The following HMCN2 variants were observed in gnomAD, a reference collection of about 807,000 sequenced individuals.
HMCN2 encodes hemicentin-2.
A neutral mutation model predicts 377.5 loss-of-function variants in HMCN2; 325 were observed. The observed-to-expected ratio is 0.86, with a 90% confidence interval of 0.79 to 0.94. HMCN2 has a LOEUF of 0.94. Ranked by LOEUF, HMCN2 falls within the 40% of genes least tolerant of loss-of-function variation. The pLI, the probability that HMCN2 is intolerant of heterozygous loss-of-function variation, is 0.00. For synonymous variants in HMCN2, 2,007 were observed against 2,046.8 expected (o/e 0.98, Z 0.53); for missense variants, 4,543 against 4,725.3 (o/e 0.96, Z 1.13).
Position 130,403,200 on chromosome 9 carries a change from C to G in HMCN2, c.11885C>G (p.Pro3962Arg), listed in dbSNP as rs575401050. 8 of 1,289,052 alleles carry G rather than the reference C, an allele frequency of 6.2e-6. No homozygotes were observed. Among genetic ancestry groups the G allele is most frequent in the South Asian group, 4.9e-5 (4 of 80,960 alleles). The allele number at this position is 1,289,052 out of a possible 1,614,324, so 79.9% of individuals were successfully genotyped here. A position where few individuals can be genotyped will look rare whatever the true frequency, so the allele number is the denominator to read the frequency against. ...GCACCCCCGTCCTTTGTAGCCTCCC[C>G]GGTGGTGAAGCCGCTGCCCAGCGTG... ...KHVFLTVQAS[P>R]VVKPLPSVVR... Residue 3962 changes from proline (P) to arginine (R), a missense_variant, in exon 79 of 98, where the codon CCG becomes CGG. By Grantham distance (103) the Pro-to-Arg change is moderately radical. Transcript: ENST00000683500.
chr9:130,312,616 C>CTT (rs1564775464), intron 15 of HMCN2, among the ~76,000 whole-genome samples: 1 of 120,920 alleles, frequency 8.3e-6, no homozygotes, highest in African/African-American at 3.2e-5. Flanking sequence ...TTCTTTCTTT[C>CTT]TCTGTCTCTC....
rs782475420 is a variant in HMCN2 at position 130,299,178 on chromosome 9, C to T, written c.1166C>T (p.Pro389Leu). ...NGSTHQLWGG[P>L]PFHTPKERFY... Reference sequence around the variant, plus strand: ...TCCACCCATCAGCTGTGGGGCGGGCCGCCCTTCCACACCCCCAAGGAGCGC... The same window carrying T: ...TCCACCCATCAGCTGTGGGGCGGGCTGCCCTTCCACACCCCCAAGGAGCGC... The change falls in exon 8 of 98, where the codon CCG becomes CTG. Residue 389 changes from proline to leucine, a missense_variant. Pro to Leu is a moderately conservative substitution (Grantham distance 98). Around this residue, in one of 5 missense-constraint regions of HMCN2, gnomAD observed 547 missense variants for 189.9 expected, o/e 2.88. Transcript: ENST00000683500. 7.0e-5 allele frequency: 33 copies of T among 471,044 alleles called. No homozygotes were observed. Among genetic ancestry groups the T allele is most frequent in the South Asian group, 2.8e-4 (18 of 64,564 alleles). 29.2% of individuals were successfully genotyped at this position (471,044 alleles called of 1,614,324 possible).
chr9:130,348,159 T>A (rs1839490273), intron 26 of HMCN2: 1 of 547,612 alleles, frequency 1.8e-6, no homozygotes, highest in African/African-American at 2.0e-5. Context: ...GCTAGCCCTG[T>A]AATGACTTGC....
rs1240541811 is a variant in HMCN2 at position 130,379,342 on chromosome 9, G to A, written c.8306G>A (p.Arg2769Lys). The change falls in exon 54 of 98, where the codon AGG becomes AAG. Residue 2769 changes from arginine to lysine, a missense_variant. Arg to Lys is a conservative substitution (Grantham distance 26). Around this residue, in one of 5 missense-constraint regions of HMCN2, gnomAD observed 736 missense variants for 773.2 expected, o/e 0.95. Transcript: ENST00000683500. Reference protein sequence around the residue: ...EEARGGVTEYREIVENNPAYL... With the variant: ...EEARGGVTEYKEIVENNPAYL... The stretch of plus-strand genomic sequence containing the variant: ...GCCCGGGGCGGAGTCACGGAATACA[G>A]GGAGATCGTGGAGAACAACCCAGCC... 6.9e-5 allele frequency: 68 copies of A among 985,606 alleles called. No homozygotes were observed. The highest frequency in any genetic ancestry group is 8.1e-5 in the Non-Finnish European group (67 of 829,942). 61.1% of individuals were successfully genotyped at this position (985,606 alleles called of 1,614,324 possible).
In HMCN2 at chr9:130,375,568, C is replaced by T. The variant is rs1238841561; in HGVS notation, c.7636C>T (p.Pro2546Ser). ...KHFQLSVLLA[P>S]TILGGAEDSA... ...TCCCTGGCCCCCCATCACAGTGGCT[C>T]CCACCATCCTGGGAGGGGCCGAGGA... The change falls in exon 50 of 98, where the codon CCC becomes TCC. Residue 2546 changes from proline (P) to serine (S), a missense_variant. Physicochemically the swap from Pro to Ser is moderately conservative, Grantham distance 74. Coordinates refer to ENST00000683500, the MANE Select transcript of HMCN2 (RefSeq NM_001291815.2). 20 of 985,858 alleles carry T rather than the reference C, an allele frequency of 2.0e-5. No individual in the cohort carries two copies. The highest frequency in any genetic ancestry group is 2.2e-5 in the Non-Finnish European group (18 of 829,956). The allele number at this position is 985,858 out of a possible 1,614,324, so 61.1% of individuals were successfully genotyped here.
In HMCN2 at chr9:130,299,283, C is replaced by T; in HGVS notation, c.1271C>T (p.Ala424Val). Residue 424 changes from alanine to valine, a missense_variant, in exon 8 of 98, where the codon GCC becomes GTC. Ala to Val is a moderately conservative substitution (Grantham distance 64). Around this residue, in one of 5 missense-constraint regions of HMCN2, gnomAD observed 547 missense variants for 189.9 expected, o/e 2.88. Transcript: ENST00000683500. ...TCTGGAGTGTCCTACAGTGGGGTGG[C>T]CCCAGGTGAGTGGTTGGCTCTTTTG... ...RVSGVSYSGV[A>V]PGAPLVSMAP... is the part of the protein sequence containing the mutation. 2.2e-6 allele frequency: 1 copy of T among 455,118 alleles called. No homozygotes were observed. The highest frequency in any genetic ancestry group is 1.6e-5 in the South Asian group (1 of 63,288). The allele number at this position is 455,118 out of a possible 1,614,324, so 28.2% of individuals were successfully genotyped here. A position where few individuals can be genotyped will look rare whatever the true frequency, so the allele number is the denominator to read the frequency against.
At chr9:130,381,375 C>CTT (rs371549897) in intron 54 of HMCN2, among the ~76,000 whole-genome samples, 1 of 148,436 alleles carries the variant, frequency 6.7e-6, no homozygotes, top group Non-Finnish European at 1.5e-5. Context: ...TTGGATGGCT[C>CTT]TTTTTTTTTT....
At chr9:130,388,276 C>T (rs760009411) in intron 61 of HMCN2, 133 bp from the exon 62 acceptor site, 10 of 556,394 alleles carry the variant, frequency 1.8e-5, no homozygotes, top group Non-Finnish European at 2.3e-5. Context: ...GTTCTATTTA[C>T]ATTTGTGAAT....
chr9:130,313,608 C>G (rs983621870), intron 15 of HMCN2, among the ~76,000 whole-genome samples: 1 of 151,666 alleles, frequency 6.6e-6, no homozygotes, highest in African/African-American at 2.4e-5. Context: ...GCACCCCCCC[C>G]CATAAACCTG....
chr9:130,310,513 G>A (rs1302014136), intron 15 of HMCN2, among the ~76,000 whole-genome samples: 1 of 152,242 alleles, frequency 6.6e-6, no homozygotes, highest in Non-Finnish European at 1.5e-5. Context: ...CACAGTCTTG[G>A]AAGTAACAAG....
At chr9:130,405,462 G>T (rs13296723) in intron 81 of HMCN2, among the ~76,000 whole-genome samples, 1,685 of 152,298 alleles carry the variant, frequency 0.011, 22 homozygotes, top group South Asian at 0.061. Flanking sequence ...GCACTCATCA[G>T]ATTCTGCAAT....
At chr9:130,306,766 T>A (rs533474756) in intron 12 of HMCN2, 45 bp from the exon 13 acceptor site, 5 of 446,706 alleles carry the variant, frequency 1.1e-5, no homozygotes, top group South Asian at 8.1e-5. Context: ...TGATTGTGGA[T>A]CAACCCCTTT....
intron 85 of HMCN2, 22 bp from the exon 86 acceptor site, chr9:130,418,750 A>G: frequency 1.4e-6 from 2 of 1,390,742 alleles, no homozygotes; most frequent in Non-Finnish European, 1.9e-6. Context: ...ATGTTCCTAA[A>G]AGCCACCTGG....
At position 130,431,412 on chromosome 9, in the gene HMCN2, G is replaced by C. The variant is rs544845693; in HGVS notation, c.14693G>C (p.Arg4898Pro). ...AGGAACCTGTGTCAGCACGCCTGCC[G>C]CAACACTGAGGGCAGCTACCAGTGC... Reference protein sequence around the residue: ...RVRNLCQHACRNTEGSYQCLC... With the variant: ...RVRNLCQHACPNTEGSYQCLC... Residue 4898 changes from arginine (R) to proline (P), a missense_variant, in exon 96 of 98, where the codon CGC becomes CCC. Arg to Pro is a moderately radical substitution (Grantham distance 103, BLOSUM62 -2). Around this residue, in one of 5 missense-constraint regions of HMCN2, gnomAD observed 1,155 missense variants for 1,157.7 expected, o/e 1.00. Coordinates refer to ENST00000683500, the MANE Select transcript of HMCN2 (RefSeq NM_001291815.2). The C allele has an allele frequency of 1.9e-6, 3 of 1,550,174 alleles. No individual in the cohort carries two copies. The South Asian group carries it at 3.6e-5, about 18-fold the overall frequency.
intron 12 of HMCN2, among the ~76,000 whole-genome samples, chr9:130,306,581 C>A (rs1836871000): frequency 6.6e-6 from 1 of 151,290 alleles, no homozygotes; most frequent in African/African-American, 2.4e-5. Flanking sequence ...CGCCCAAATC[C>A]CGCCCCCAAA....
chr9:130,343,361 G>T (rs1047689210), intron 25 of HMCN2, among the ~76,000 whole-genome samples: 2,865 of 152,304 alleles, frequency 0.019, 34 homozygotes, highest in Middle Eastern at 0.031. Flanking sequence ...AGTCTTGGTT[G>T]TTGCTCTGTG....
Position 130,433,751 on chromosome 9 carries a change from A to C in HMCN2, c.*58A>C, listed in dbSNP as rs1588459861. On this transcript the variant is annotated 3_prime_UTR_variant, in exon 98 of 98. Coordinates refer to ENST00000683500, the MANE Select transcript of HMCN2 (RefSeq NM_001291815.2). The stretch of plus-strand genomic sequence containing the variant: ...GACCCCCGAGGAAGGGGTCGAGGAG[A>C]AGCTTGGTCCACGCCACCTGCTGTG... The C allele has an allele frequency of 2.3e-6, 3 of 1,319,890 alleles. No individual in the cohort carries two copies. The highest frequency in any genetic ancestry group is 3.1e-5 in the African/African-American group (2 of 63,834). 81.8% of individuals were successfully genotyped at this position (1,319,890 alleles called of 1,614,324 possible). A position where few individuals can be genotyped will look rare whatever the true frequency, so the allele number is the denominator to read the frequency against.
chr9:130,422,205 G>A lies in HMCN2; in HGVS notation c.13232-372G>A, dbSNP rs1235549601. ...TCAGTGTGCCAGCCACGCCATCGTGGGCTCCCGGCATTTCAGAGACCCACA... is the reference window on the plus strand; with the variant it reads ...TCAGTGTGCCAGCCACGCCATCGTGAGCTCCCGGCATTTCAGAGACCCACA... On this transcript the variant is annotated intron_variant, in intron 86 of 97. Transcript: ENST00000683500. The surrounding 1 kb of genome is among the most constrained non-coding windows in gnomAD (Gnocchi z 4.2). Among the ~76,000 whole-genome samples, 1 of 152,230 alleles carries A rather than the reference G, an allele frequency of 6.6e-6. No individual in the cohort carries two copies. Among genetic ancestry groups the A allele is most frequent in the Non-Finnish European group, 1.5e-5 (1 of 68,044 alleles).
intron 4 of HMCN2, among the ~76,000 whole-genome samples, chr9:130,293,451 G>A (rs565961470): frequency 2.0e-5 from 3 of 151,880 alleles, no homozygotes; most frequent in South Asian, 2.1e-4. Flanking sequence ...CAGGATGGAC[G>A]CTCTTTGAGA....
Sources: gnomAD v4.1 joint callset for allele counts (sites outside exome capture counted in the v4.1 genomes callset) on GRCh38, gnomAD v4.1.1 for gene constraint, gnomAD v4.1.1 regional missense constraint, Gnocchi (gnomAD v3.1) non-coding constraint, MANE v1.5 for transcripts, NCBI Gene and HGNC (gene_info 2026-07-23, HGNC 2026-07-21) for gene names.